ZNF131: variants seen among roughly 807,000 people sequenced by gnomAD.
ZNF131 encodes the protein zinc finger protein 131.
ZNF131 carries 7 observed loss-of-function variants against 60.0 expected under a neutral mutation model. The observed-to-expected ratio is 0.12, with a 90% CI of 0.07 to 0.22. The LOEUF (loss-of-function observed/expected upper bound fraction) is 0.22. ZNF131 is among the 10% of genes least tolerant of loss of function. ZNF131 has a pLI of 1.00. For synonymous variants in ZNF131, 257 were observed against 253.2 expected (o/e 1.01, Z -0.14); for missense variants, 493 against 740.9 (o/e 0.67, Z 3.88).
intron 3 of ZNF131, among the ~76,000 whole-genome samples, chr5:43,126,017 T>C (rs1160876584): frequency 6.6e-6 from 1 of 152,236 alleles, no homozygotes; most frequent in East Asian, 1.9e-4. Flanking sequence ...ATAATTAATT[T>C]GGTTCAGTAT....
At chr5:43,169,342 T>C (rs1750707546) in intron 5 of ZNF131, among the ~76,000 whole-genome samples, 2 of 152,258 alleles carry the variant, frequency 1.3e-5, no homozygotes, top group Non-Finnish European at 2.9e-5. Context: ...TTTACTTAAT[T>C]TTTTAAATAG....
In ZNF131 at chr5:43,137,094, A is replaced by C. The variant is rs775853177; in HGVS notation, c.227-2071A>C. ...GAATTGGAGACTTAGACATAAGACCAAAAAATGTAAATCTCCTGGAAGAAA... is the reference window on the plus strand; with the variant it reads ...GAATTGGAGACTTAGACATAAGACCCAAAAATGTAAATCTCCTGGAAGAAA... On this transcript the variant is annotated intron_variant, in intron 3 of 6. Coordinates refer to ENST00000682664, the MANE Select transcript of ZNF131 (RefSeq NM_001330707.2). 2.6e-5 allele frequency among the ~76,000 whole-genome samples: 4 copies of C among 152,206 alleles called. No individual in the cohort carries two copies. In the South Asian group the frequency reaches 8.3e-4, roughly 31 times the overall value.
rs1488485231 is a variant in ZNF131, at chr5:43,121,090, GGACGGAGAGGAAGGAGGGC to G, written c.-45_-27del. 2 of 152,962 alleles carry G rather than the reference GGACGGAGAGGAAGGAGGGC, an allele frequency of 1.3e-5. No homozygotes were observed. Among genetic ancestry groups the G allele is most frequent in the Non-Finnish European group, 2.9e-5 (2 of 68,682 alleles). The allele number at this position is 152,962 out of a possible 1,614,324, so 9.5% of individuals were successfully genotyped here. On this transcript the variant is annotated 5_prime_UTR_variant, in exon 1 of 7. The change abolishes the stop of an existing upstream ORF in the 5' untranslated region. Coordinates refer to ENST00000682664, the MANE Select transcript of ZNF131 (RefSeq NM_001330707.2). ...AAAGCACGGAACAAGAGGCTCTGAGGGACGGAGAGGAAGGAGGGCGACCCACGAGCTAGGTAAGGCGGGC... is the reference window on the plus strand; with the variant it reads ...AAAGCACGGAACAAGAGGCTCTGAGGGACCCACGAGCTAGGTAAGGCGGGC...
intron 4 of ZNF131, chr5:43,143,532 G>C (rs374979554): frequency 1.7e-6 from 1 of 593,454 alleles, no homozygotes; most frequent in Non-Finnish European, 2.6e-6. Flanking sequence ...GTTTCTTATT[G>C]TTGTTACTGG....
At position 43,143,898 on chromosome 5, in the gene ZNF131, CTTTTTTTTTTTTTTTTTTTTTTTTT is replaced by C. The variant is rs79246574; in HGVS notation, c.371+4603_371+4627del. 2.0e-3 allele frequency among the ~76,000 whole-genome samples: 71 copies of C among 34,994 alleles called. 2 individuals carry two copies. In the East Asian group the frequency reaches 0.045, roughly 22 times the overall value. The allele number at this position is 34,994 out of a possible 152,430, so 23.0% of individuals were successfully genotyped here. ...TAGGTTCTCTGGAATATTGTCAGAG[CTTTTTTTTTTTTTTTTTTTTTTTTT>C]TTTTTTTTTTTTTCCTTGAGACGGA... On this transcript the variant is annotated intron_variant, in intron 4 of 6. Transcript: ENST00000682664.
intron 4 of ZNF131, among the ~76,000 whole-genome samples, chr5:43,144,151 T>C (rs1254717623): frequency 4.6e-5 from 7 of 150,820 alleles, no homozygotes; most frequent in Admixed American, 4.0e-4. Context: ...CTCGATCTCC[T>C]GACCTCGTGA....
intron 5 of ZNF131, among the ~76,000 whole-genome samples, chr5:43,166,897 A>G (rs915380295): frequency 6.6e-6 from 1 of 152,056 alleles, no homozygotes; most frequent in Non-Finnish European, 1.5e-5. Flanking sequence ...TGAGCTCGTG[A>G]TCCACCCGCC....
At chr5:43,161,197 C>T in intron 4 of ZNF131, 52 bp from the exon 5 acceptor site, 1 of 1,481,280 alleles carries the variant, frequency 6.8e-7, no homozygotes, top group Non-Finnish European at 9.1e-7. Flanking sequence ...TTCAAAAAAG[C>T]CTGGTAGGAT....
In ZNF131 at chr5:43,122,015, C is replaced by T. The variant is rs775325604; in HGVS notation, c.-15-24C>T. 13 of 1,610,594 alleles carry T rather than the reference C, an allele frequency of 8.1e-6. No homozygotes were observed. The South Asian group carries it at 1.4e-4, about 18-fold the overall frequency. On this transcript the variant is annotated intron_variant, in intron 1 of 6. Coordinates refer to ENST00000682664, the MANE Select transcript of ZNF131 (RefSeq NM_001330707.2). ...TCCTCGGCTCGAGCTCATGGGTGTA[C>T]ATTATCATGCTCTTCTTTTGTAGAG...
intron 4 of ZNF131, among the ~76,000 whole-genome samples, chr5:43,156,007 C>T (rs184768606): frequency 5.9e-5 from 9 of 152,280 alleles, no homozygotes; most frequent in African/African-American, 1.4e-4. Flanking sequence ...TCACCACTAG[C>T]GGCAAATGTC....
chr5:43,135,156 G>A (rs1036253858), intron 3 of ZNF131, among the ~76,000 whole-genome samples: 7 of 151,378 alleles, frequency 4.6e-5, no homozygotes, highest in African/African-American at 9.7e-5. Flanking sequence ...GCACCACCAC[G>A]CCTGGCTAAT....
intron 1 of ZNF131, 97 bp from the exon 2 acceptor site, chr5:43,121,942 C>A: frequency 3.0e-6 from 4 of 1,324,174 alleles, no homozygotes; most frequent in South Asian, 1.5e-5. Flanking sequence ...CCCTTCTTTT[C>A]ACGTTGCTGG....
rs370052429 is a variant in ZNF131, at chr5:43,163,579, G to A, written c.1054+1648G>A. On this transcript the variant is annotated intron_variant, in intron 5 of 6. Coordinates refer to ENST00000682664, the MANE Select transcript of ZNF131 (RefSeq NM_001330707.2). ...GGTTTCTTGCTTGCTCCCACTCCCC[G>A]AACAACCTTTGCTGGGTCTCCTACA... Among the ~76,000 whole-genome samples the A allele has an allele frequency of 3.3e-5, 5 of 152,212 alleles. No individual in the cohort carries two copies. In the East Asian group the frequency reaches 5.8e-4, roughly 18 times the overall value.
At chr5:43,124,608 C>G (rs1744274469) in intron 3 of ZNF131, 1 of 151,900 alleles carries the variant, frequency 6.6e-6, no homozygotes, top group African/African-American at 2.4e-5. Context: ...ATCTAACTGC[C>G]CAGATGATAG....
chr5:43,171,566 A>T (rs995446935), intron 5 of ZNF131, among the ~76,000 whole-genome samples: 1 of 152,112 alleles, frequency 6.6e-6, no homozygotes, highest in Non-Finnish European at 1.5e-5. Flanking sequence ...CTGAAAAAAA[A>T]GAATGCTATT....
In ZNF131 at chr5:43,149,362, G is replaced by T. The variant is rs143761439; in HGVS notation, c.371+10053G>T. Among the ~76,000 whole-genome samples the T allele has an allele frequency of 1.8e-3, 275 of 152,242 alleles. 2 individuals carry two copies. Among genetic ancestry groups the T allele is most frequent in the African/African-American group, 6.3e-3 (263 of 41,550 alleles). On this transcript the variant is annotated intron_variant, in intron 4 of 6. Coordinates refer to ENST00000682664, the MANE Select transcript of ZNF131 (RefSeq NM_001330707.2). ...AAAAGAAAGAAATTCACGTATATTA[G>T]TGTGTGTATAAGTAGTTCATTCCTT... is the stretch of plus-strand genomic sequence containing the variant.
chr5:43,146,726 T>C (rs540883858), intron 4 of ZNF131, among the ~76,000 whole-genome samples: 68 of 152,112 alleles, frequency 4.5e-4, no homozygotes, highest in Admixed American at 1.2e-3. Flanking sequence ...ACCAATATGG[T>C]GAAACCCTGT....
rs1367256291 is a variant in ZNF131 at position 43,153,493 on chromosome 5, A to G, written c.372-7756A>G. ...AAAAAAAAAAAAAAAAAAAAAAGCA[A>G]AATTAGCTGGGCCTGGTGGCACATG... is the stretch of plus-strand genomic sequence containing the variant. On this transcript the variant is annotated intron_variant, in intron 4 of 6. Transcript: ENST00000682664. Among the ~76,000 whole-genome samples the G allele has an allele frequency of 2.0e-5, 3 of 150,090 alleles. No homozygotes were observed. In the East Asian group the frequency reaches 6.0e-4, roughly 30 times the overall value.
chr5:43,144,989 T>C (rs527708617), intron 4 of ZNF131, among the ~76,000 whole-genome samples: 13 of 151,998 alleles, frequency 8.6e-5, no homozygotes, highest in Non-Finnish European at 1.9e-4. Context: ...TATTTTTATG[T>C]TTTACATTTT....
Sources: allele counts gnomAD v4.1 joint callset (sites outside exome capture counted in the v4.1 genomes callset), GRCh38; gene constraint gnomAD v4.1.1; transcripts MANE v1.5; gene names NCBI Gene and HGNC (gene_info 2026-07-23, HGNC 2026-07-21).